MAP3K20: variants seen among roughly 807,000 people sequenced by gnomAD.
MAP3K20 encodes mitogen-activated protein kinase kinase kinase 20.
Under a neutral mutation model 85.7 loss-of-function variants are expected in MAP3K20, and 40 were observed. The ratio of observed to expected loss-of-function variants is 0.47; its 90% confidence interval spans 0.36 to 0.61. The LOEUF is 0.61. MAP3K20 is among the 20% of genes least tolerant of loss of function. The probability of loss-of-function intolerance (pLI) is 0.00; values close to 1 mark genes in which losing one functional copy is unlikely to be tolerated. For synonymous variants in MAP3K20, 325 were observed against 327.7 expected (o/e 0.99, Z 0.09); for missense variants, 817 against 961.7 (o/e 0.85, Z 1.99).
At chr2:173,103,427 T>C (rs1336004379) in intron 2 of MAP3K20, among the ~76,000 whole-genome samples, 1 of 152,206 alleles carries the variant, frequency 6.6e-6, no homozygotes, top group African/African-American at 2.4e-5. Context: ...AGAGATCAAA[T>C]TAATTAATAT....
At chr2:173,137,555 A>T in intron 2 of MAP3K20, among the ~76,000 whole-genome samples, 1 of 152,144 alleles carries the variant, frequency 6.6e-6, no homozygotes, top group East Asian at 1.9e-4. Context: ...ATTACATATG[A>T]GTAAGAAGTG....
intron 2 of MAP3K20, among the ~76,000 whole-genome samples, chr2:173,156,763 T>C (rs1265848491): frequency 2.0e-5 from 3 of 152,198 alleles, no homozygotes; most frequent in Admixed American, 2.0e-4. Flanking sequence ...TACCATTACC[T>C]AAGAGATGGT....
At chr2:173,221,473 CGATGATGAT>C in intron 11 of MAP3K20, 4 of 1,608,960 alleles carry the variant, frequency 2.5e-6, no homozygotes, top group South Asian at 2.2e-5. Flanking sequence ...CAGAAGGTGA[CGATGATGAT>C]GATGATGACG....
At chr2:173,228,100 G>A (rs918318414) in intron 11 of MAP3K20, among the ~76,000 whole-genome samples, 10 of 152,216 alleles carry the variant, frequency 6.6e-5, no homozygotes, top group African/African-American at 2.4e-4. Flanking sequence ...CTGGAGGGAA[G>A]GGAAGCACAT....
chr2:173,155,933 C>T (rs775838895), intron 2 of MAP3K20, among the ~76,000 whole-genome samples: 8 of 152,212 alleles, frequency 5.3e-5, no homozygotes, highest in Non-Finnish European at 1.0e-4. Flanking sequence ...CAGCTTAAAA[C>T]TACATTTCCC....
intron 2 of MAP3K20, among the ~76,000 whole-genome samples, chr2:173,132,451 T>C (rs912708959): frequency 2.0e-5 from 3 of 152,204 alleles, no homozygotes; most frequent in Admixed American, 6.5e-5. Flanking sequence ...AGTGTGCTTT[T>C]TCGGACTCCA....
At chr2:173,226,359 T>C (rs538063562) in intron 11 of MAP3K20, 5 of 984,792 alleles carry the variant, frequency 5.1e-6, no homozygotes, top group African/African-American at 1.8e-5. Flanking sequence ...ACTAGACTTA[T>C]TGCAGCCTTT....
chr2:173,157,960 G>A (rs1043022242), intron 2 of MAP3K20, among the ~76,000 whole-genome samples: 17 of 152,170 alleles, frequency 1.1e-4, no homozygotes, highest in East Asian at 1.9e-4. Flanking sequence ...TTCCTTGTTC[G>A]TTTTATTCTG....
intron 18 of MAP3K20, 35 bp from the exon 19 acceptor site, chr2:173,263,710 T>C (rs1160014850): frequency 6.4e-7 from 1 of 1,571,618 alleles, no homozygotes; most frequent in Non-Finnish European, 8.6e-7. Flanking sequence ...TCTATTTGTC[T>C]TTTTTTTGTC....
In MAP3K20 at chr2:173,238,424, C is replaced by G. The variant is rs1177817072; in HGVS notation, c.1255C>G (p.Pro419Ala). ...TTACATAAATTTGTTTCACTTCCCA[C>G]CACTAATTAAGGTAAGTAAGGTTTT... ...HDYINLFHFP[P>A]LIKDSGGEPE... Residue 419 changes from proline (P) to alanine (A), a missense_variant, in exon 15 of 20, where the codon CCA (proline) becomes GCA (alanine). Physicochemically the swap from Pro to Ala is conservative, Grantham distance 27. Transcript: ENST00000375213. The G allele has an allele frequency of 6.2e-7, 1 of 1,612,446 alleles. No homozygotes were observed. The highest frequency in any genetic ancestry group is 2.2e-5 in the East Asian group (1 of 44,786).
intron 2 of MAP3K20, among the ~76,000 whole-genome samples, chr2:173,146,761 A>G (rs1689150126): frequency 6.6e-6 from 1 of 152,174 alleles, no homozygotes; most frequent in Non-Finnish European, 1.5e-5. Context: ...TAACTCTTTA[A>G]TTCTTTAAGT....
chr2:173,124,486 G>A (rs1688386046), intron 2 of MAP3K20, among the ~76,000 whole-genome samples: 1 of 152,142 alleles, frequency 6.6e-6, no homozygotes, highest in Non-Finnish European at 1.5e-5. Context: ...GGTTGGTTGG[G>A]GTTCCATGGG....
intron 2 of MAP3K20, among the ~76,000 whole-genome samples, chr2:173,092,156 T>C (rs1388512875): frequency 6.6e-6 from 1 of 152,218 alleles, no homozygotes; most frequent in East Asian, 1.9e-4. Flanking sequence ...CCAGCGGTGC[T>C]GTGTAATTGT....
chr2:173,244,022 G>A (rs566713530), intron 16 of MAP3K20, among the ~76,000 whole-genome samples: 8 of 152,202 alleles, frequency 5.3e-5, no homozygotes, highest in Non-Finnish European at 1.2e-4. Context: ...TGAGTGGGCA[G>A]CGCAGACAAC....
intron 2 of MAP3K20, among the ~76,000 whole-genome samples, chr2:173,159,312 C>T (rs940301788): frequency 5.0e-5 from 4 of 79,726 alleles, no homozygotes; most frequent in Non-Finnish European, 8.4e-5. Context: ...GTTTTTGTCA[C>T]CCAAACTGAG....
At chr2:173,196,957 T>G (rs1176946598) in intron 7 of MAP3K20, among the ~76,000 whole-genome samples, 1 of 10,284 alleles carries the variant, frequency 9.7e-5, no homozygotes, top group Non-Finnish European at 3.3e-4. Flanking sequence ...TTGGGCAAGT[T>G]TTTTTTTTTT....
chr2:173,100,745 G>A (rs1367466564), intron 2 of MAP3K20, among the ~76,000 whole-genome samples: 1 of 152,096 alleles, frequency 6.6e-6, no homozygotes, highest in African/African-American at 2.4e-5. Context: ...TGCCATTTCT[G>A]CTTAAGGAAT....
chr2:173,223,274 T>C (rs1255638135), intron 11 of MAP3K20: 3 of 980,942 alleles, frequency 3.1e-6, no homozygotes, highest in Non-Finnish European at 3.6e-6. Context: ...TGGGCTCAGT[T>C]GCTTGACAAC....
At position 173,209,782 on chromosome 2, in the gene MAP3K20, C is replaced by T. The variant is rs755674062; in HGVS notation, c.798C>T (p.Asp266=). The T allele has an allele frequency of 3.1e-6, 5 of 1,613,988 alleles. No homozygotes were observed. In the Admixed American group the frequency reaches 5.0e-5, roughly 16 times the overall value. The change falls in exon 10 of 20, where the codon GAC becomes GAT. Residue 266 remains aspartate (D), a synonymous_variant. Coordinates refer to ENST00000375213, the MANE Select transcript of MAP3K20 (RefSeq NM_016653.3). Reference sequence around the variant, plus strand: ...CAATCCTGGAGTCCATGTCAAATGACACGAGCCTTCCTGACAAGTGTAACT... The same window carrying T: ...CAATCCTGGAGTCCATGTCAAATGATACGAGCCTTCCTGACAAGTGTAACT... ...IISILESMSN[D]TSLPDKCNSF... is the part of the protein sequence containing the mutation.
Sources: allele counts gnomAD v4.1 joint callset (sites outside exome capture counted in the v4.1 genomes callset), GRCh38; gene constraint gnomAD v4.1.1; transcripts MANE v1.5; gene names NCBI Gene and HGNC (gene_info 2026-07-23, HGNC 2026-07-21).